The following UNC80 variants were observed in gnomAD, a reference collection of about 807,000 sequenced individuals.
UNC80 encodes the protein unc-80 subunit of NALCN channel complex.
Under a neutral mutation model 384.6 loss-of-function variants are expected in UNC80, and 164 were observed. The ratio of observed to expected loss-of-function variants is 0.43; its 90% CI spans 0.38 to 0.49. The LOEUF (loss-of-function observed/expected upper bound fraction) is 0.49, where lower values mean the gene tolerates loss of function less well. Ranked by LOEUF, UNC80 falls within the 20% of genes least tolerant of loss-of-function variation. The pLI, the probability that UNC80 is intolerant of heterozygous loss-of-function variation, is 0.00. For missense variants in UNC80, 3,330 were observed against 4,143.0 expected, an observed-to-expected ratio of 0.80 and a Z score of 5.39; for synonymous variants, 1,486 against 1,527.8, an observed-to-expected ratio of 0.97 and a Z score of 0.64.
intron 29 of UNC80, among the ~76,000 whole-genome samples, chr2:209,906,423 T>C (rs189644318): frequency 1.6e-3 from 240 of 152,318 alleles, no homozygotes; most frequent in African/African-American, 5.4e-3. Flanking sequence ...GGGTATAAAG[T>C]AAGTACATTT....
Position 209,822,792 on chromosome 2 carries a change from A to C in UNC80, c.2331+2113A>C, listed in dbSNP as rs184562719. Among the ~76,000 whole-genome samples, 178 of 152,264 alleles carry C rather than the reference A, an allele frequency of 1.2e-3. No individual in the cohort carries two copies. In the Middle Eastern group the frequency reaches 0.017, roughly 15 times the overall value. ...CTTGACTATTTAGCACCTAGGTATT[A>C]TCTAGACTATATAGCTTGATGTAAT... is the stretch of plus-strand genomic sequence containing the variant. On this transcript the variant is annotated intron_variant, in intron 13 of 64. Coordinates refer to ENST00000673920, the MANE Select transcript of UNC80 (RefSeq NM_001371986.1).
At chr2:209,855,223 C>T (rs1280600845) in intron 22 of UNC80, among the ~76,000 whole-genome samples, 1 of 152,172 alleles carries the variant, frequency 6.6e-6, no homozygotes, top group African/African-American at 2.4e-5. Flanking sequence ...CATGTTCTCA[C>T]TTATAAGTGG....
intron 22 of UNC80, among the ~76,000 whole-genome samples, chr2:209,862,214 C>G (rs2083392053): frequency 1.3e-5 from 2 of 152,166 alleles, no homozygotes; most frequent in African/African-American, 4.8e-5. Context: ...AGCTCTGTCC[C>G]AGATATTCTG....
At chr2:209,843,866 C>G (rs1239067483) in intron 21 of UNC80, among the ~76,000 whole-genome samples, 1 of 152,098 alleles carries the variant, frequency 6.6e-6, no homozygotes, top group African/African-American at 2.4e-5. Context: ...AGAAACATCA[C>G]CAGAATTTAG....
chr2:209,966,585 TTAC>T (rs1315051679), intron 51 of UNC80, among the ~76,000 whole-genome samples: 1 of 152,222 alleles, frequency 6.6e-6, no homozygotes, highest in East Asian at 1.9e-4. Context: ...ACTATTACAT[TTAC>T]TAGAAACCTC....
chr2:209,989,093 G>A (rs1390451422), intron 61 of UNC80, among the ~76,000 whole-genome samples: 3 of 151,086 alleles, frequency 2.0e-5, no homozygotes, highest in Non-Finnish European at 4.4e-5. Context: ...CAGGCAGATT[G>A]CTTGAGGCCA....
chr2:209,808,797 T>TGCGCTACTCAGCGACCTCGTTGCCTCG (rs71043952), intron 7 of UNC80: 278,954 of 283,660 alleles, frequency 0.98, 137,931 homozygotes, highest in Non-Finnish European at 0.99. Flanking sequence ...TCGTTGCCTC[T>TGCGCTACTCAGCGACCTCGTTGCCTCG]GCCACCATGC....
In UNC80 at chr2:209,834,900, C is replaced by T. The variant is rs558648635; in HGVS notation, c.2943-12C>T. ...GCTCTGCTGTAATTGTTGGAATGCA[C>T]CATTTGCATAGGTCAGAGGCGGGAA... is the stretch of plus-strand genomic sequence containing the variant. On this transcript the variant is annotated splice_polypyrimidine_tract_variant and intron_variant, in intron 17 of 64. Coordinates refer to ENST00000673920, the MANE Select transcript of UNC80 (RefSeq NM_001371986.1). The T allele has an allele frequency of 6.5e-7, 1 of 1,544,472 alleles. No homozygotes were observed. Among genetic ancestry groups the T allele is most frequent in the African/African-American group, 1.4e-5 (1 of 72,936 alleles).
intron 47 of UNC80, among the ~76,000 whole-genome samples, chr2:209,947,720 AT>A (rs992754190): frequency 9.9e-5 from 15 of 151,858 alleles, no homozygotes; most frequent in African/African-American, 1.7e-4. Context: ...GTTGTACTTA[AT>A]TTTTTTTAAA....
intron 29 of UNC80, among the ~76,000 whole-genome samples, chr2:209,907,436 T>C (rs1232108870): frequency 6.6e-6 from 1 of 152,194 alleles, no homozygotes; most frequent in Non-Finnish European, 1.5e-5. Flanking sequence ...TACACCGTGC[T>C]AAGAGAGCTT....
rs971440617 is a variant in UNC80 at position 209,793,603 on chromosome 2, A to G, written c.799-117A>G. Reference sequence around the variant, plus strand: ...TAATATCATAATTAACTATAGTGAAAAAAAGCCCATATATGGAACCATGTT... The same window carrying G: ...TAATATCATAATTAACTATAGTGAAGAAAAGCCCATATATGGAACCATGTT... On this transcript the variant is annotated intron_variant, in intron 6 of 64. Transcript: ENST00000673920. The G allele has an allele frequency of 1.1e-4, 133 of 1,255,800 alleles. 1 individual carries two copies. The highest frequency in any genetic ancestry group is 5.6e-4 in the South Asian group (30 of 53,336). 77.8% of individuals were successfully genotyped at this position (1,255,800 alleles called of 1,614,324 possible). A position where few individuals can be genotyped will look rare whatever the true frequency, so the allele number is the denominator to read the frequency against.
intron 40 of UNC80, 40 bp from the exon 41 acceptor site, chr2:209,936,804 C>T (rs1475093733): frequency 7.2e-7 from 1 of 1,390,522 alleles, no homozygotes; most frequent in Non-Finnish European, 1.0e-6. Context: ...ATAATATCTT[C>T]CTGATAAACA....
intron 13 of UNC80, among the ~76,000 whole-genome samples, chr2:209,822,719 T>C (rs2080228720): frequency 6.6e-6 from 1 of 152,040 alleles, no homozygotes; most frequent in Non-Finnish European, 1.5e-5. Flanking sequence ...TTTGAAATTT[T>C]ATCCAAGTGG....
intron 21 of UNC80, among the ~76,000 whole-genome samples, chr2:209,843,141 A>T (rs926784840): frequency 2.0e-5 from 3 of 152,102 alleles, no homozygotes; most frequent in Non-Finnish European, 4.4e-5. Context: ...CACCATTCTG[A>T]TTCCTTTTTA....
intron 22 of UNC80, among the ~76,000 whole-genome samples, chr2:209,868,866 C>G (rs557410992): frequency 1.3e-5 from 2 of 152,110 alleles, no homozygotes; most frequent in Non-Finnish European, 2.9e-5. Context: ...CAGTTAAAAT[C>G]GATTCTTGCT....
At chr2:209,977,197 T>C (rs2125017798) in intron 58 of UNC80, 119 bp downstream of exon 58, 1 of 1,055,284 alleles carries the variant, frequency 9.5e-7, no homozygotes, top group Non-Finnish European at 1.3e-6. Flanking sequence ...GCCATTTTGG[T>C]ACACTGTTAG....
At position 209,825,915 on chromosome 2, in the gene UNC80, T is replaced by A; in HGVS notation, c.2340T>A (p.Ser780Arg). The A allele has an allele frequency of 6.5e-7, 1 of 1,543,074 alleles. No homozygotes were observed. Among genetic ancestry groups the A allele is most frequent in the South Asian group, 1.2e-5 (1 of 82,038 alleles). ...KNDKNQEKDESTPVSNHRLAL... is the reference protein window; with the variant it reads ...KNDKNQEKDERTPVSNHRLAL... The stretch of plus-strand genomic sequence containing the variant: ...TCATTCGTGGGTACCAGGATGAAAG[T>A]ACACCTGTAAGCAACCATAGGCTTG... Residue 780 changes from serine (S) to arginine (R), a missense_variant, in exon 14 of 65, where the codon AGT (serine) becomes AGA (arginine). Ser to Arg is a moderately radical substitution (Grantham distance 110, BLOSUM62 -1). Transcript: ENST00000673920.
chr2:209,899,199 G>A (rs1012716640), intron 28 of UNC80, among the ~76,000 whole-genome samples: 2 of 152,054 alleles, frequency 1.3e-5, no homozygotes, highest in African/African-American at 2.4e-5. Flanking sequence ...ACTAAACATG[G>A]TGTATAAAAA....
intron 28 of UNC80, among the ~76,000 whole-genome samples, chr2:209,900,860 A>G (rs1232532463): frequency 1.3e-5 from 2 of 152,214 alleles, no homozygotes; most frequent in African/African-American, 4.8e-5. Flanking sequence ...TGGACAGAAG[A>G]TCAAACCAGC....
Sources: allele counts gnomAD v4.1 joint callset (sites outside exome capture counted in the v4.1 genomes callset), GRCh38; gene constraint gnomAD v4.1.1; transcripts MANE v1.5; gene names NCBI Gene and HGNC (gene_info 2026-07-23, HGNC 2026-07-21).